The following ZNF521 variants were observed in gnomAD, a reference collection of about 807,000 sequenced individuals.
The protein encoded by ZNF521 is zinc finger protein 521.
A neutral mutation model predicts 105.5 loss-of-function variants in ZNF521; 14 were observed. The ratio of observed to expected loss-of-function variants is 0.13; its 90% CI spans 0.09 to 0.21. The LOEUF (loss-of-function observed/expected upper bound fraction) is 0.21. Ranked by LOEUF, ZNF521 falls within the 10% of genes least tolerant of loss-of-function variation. The pLI, the probability that ZNF521 is intolerant of heterozygous loss-of-function variation, is 1.00. For synonymous variants in ZNF521, 635 were observed against 606.0 expected (o/e 1.05, Z -0.70); for missense variants, 1,233 against 1,629.7 (o/e 0.76, Z 4.19).
chr18:25,213,753 T>C (rs1193101751), intron 4 of ZNF521, among the ~76,000 whole-genome samples: 1 of 152,160 alleles, frequency 6.6e-6, no homozygotes, highest in Non-Finnish European at 1.5e-5. Context: ...CTGAGCCTAA[T>C]ATTTTCTTTG....
chr18:25,261,823 G>T (rs568644583), intron 3 of ZNF521, among the ~76,000 whole-genome samples: 1 of 152,026 alleles, frequency 6.6e-6, no homozygotes, highest in East Asian at 1.9e-4. Context: ...ATATATTTAA[G>T]CAATGCCCAG....
At chr18:25,177,968 C>CA (rs1368696271) in intron 5 of ZNF521, among the ~76,000 whole-genome samples, 5 of 152,128 alleles carry the variant, frequency 3.3e-5, no homozygotes, top group African/African-American at 1.2e-4. Context: ...GCGACATATA[C>CA]AAAATGTAAA....
chr18:25,292,008 A>AT (rs1371692866), intron 3 of ZNF521, among the ~76,000 whole-genome samples: 1 of 152,152 alleles, frequency 6.6e-6, no homozygotes, highest in East Asian at 1.9e-4. Flanking sequence ...CTGGCTCATA[A>AT]TAGGCGCTCA....
intron 5 of ZNF521, among the ~76,000 whole-genome samples, chr18:25,109,245 TG>T (rs1330589367): frequency 6.6e-6 from 1 of 152,178 alleles, no homozygotes; most frequent in Non-Finnish European, 1.5e-5. Context: ...CTTAGGATAA[TG>T]GTCTCCAGCT....
chr18:25,179,438 A>G (rs1375863705), intron 5 of ZNF521, among the ~76,000 whole-genome samples: 1 of 151,672 alleles, frequency 6.6e-6, no homozygotes, highest in Non-Finnish European at 1.5e-5. Context: ...GCATTTTACA[A>G]ACTAGTTGTT....
At chr18:25,240,120 C>T (rs185571982) in intron 3 of ZNF521, among the ~76,000 whole-genome samples, 3 of 152,076 alleles carry the variant, frequency 2.0e-5, no homozygotes, top group Middle Eastern at 3.4e-3. Context: ...TTCTGCACTC[C>T]GTTTTGAAAT....
At chr18:25,189,826 T>C (rs2144618789) in intron 5 of ZNF521, among the ~76,000 whole-genome samples, 1 of 152,358 alleles carries the variant, frequency 6.6e-6, no homozygotes. Context: ...TCATTTGAAA[T>C]GCTTTGGTGT....
chr18:25,272,237 G>A (rs963405164), intron 3 of ZNF521, among the ~76,000 whole-genome samples: 2 of 152,182 alleles, frequency 1.3e-5, no homozygotes, highest in Admixed American at 1.3e-4. Context: ...AGTTAGAATG[G>A]TGATCATTAA....
At chr18:25,221,465 T>C (rs1016439043) in intron 4 of ZNF521, among the ~76,000 whole-genome samples, 7 of 152,232 alleles carry the variant, frequency 4.6e-5, no homozygotes, top group South Asian at 2.1e-4. Context: ...TATGTAATTC[T>C]AAGTCATGGT....
At position 25,089,363 on chromosome 18, in the gene ZNF521, G is replaced by A. The variant is rs139036527; in HGVS notation, c.3906+102C>T. ...CCCAATACACACAAAGCATCATGGT[G>A]GCCCAGGGTGAGTGATACTGTGAAT... On this transcript the variant is annotated intron_variant, in intron 7 of 7. Transcript: ENST00000361524. 76 of 847,164 alleles carry A rather than the reference G, an allele frequency of 9.0e-5. No homozygotes were observed. In the African/African-American group the frequency reaches 1.1e-3, roughly 12 times the overall value. 52.5% of individuals were successfully genotyped at this position (847,164 alleles called of 1,614,324 possible).
intron 2 of ZNF521, among the ~76,000 whole-genome samples, chr18:25,323,252 C>G (rs1332726624): frequency 2.0e-5 from 3 of 151,902 alleles, no homozygotes; most frequent in African/African-American, 7.3e-5. Context: ...TAAAATTAAA[C>G]TAGAGATTTC....
chr18:25,084,211 A>G (rs1189806948), intron 7 of ZNF521, among the ~76,000 whole-genome samples: 1 of 140,026 alleles, frequency 7.1e-6, no homozygotes, highest in Non-Finnish European at 1.7e-5. Flanking sequence ...TTATTTAATA[A>G]TGTGAGACAG....
intron 7 of ZNF521, among the ~76,000 whole-genome samples, chr18:25,083,282 C>T (rs186092942): frequency 1.3e-5 from 2 of 152,292 alleles, no homozygotes; most frequent in Non-Finnish European, 2.9e-5. Flanking sequence ...AGAATTTTTA[C>T]CTGGAAACTG....
At chr18:25,273,356 T>G (rs1404257500) in intron 3 of ZNF521, 1 of 151,062 alleles carries the variant, frequency 6.6e-6, no homozygotes, top group Non-Finnish European at 1.5e-5. Context: ...ACTGGATAGC[T>G]TCCCTCACTC....
At chr18:25,291,616 C>T (rs1911026263) in intron 3 of ZNF521, among the ~76,000 whole-genome samples, 1 of 152,188 alleles carries the variant, frequency 6.6e-6, no homozygotes, top group Admixed American at 6.5e-5. Flanking sequence ...GGTCAGCTCT[C>T]TGGGTTTTGC....
At chr18:25,212,418 G>T (rs1163666854) in intron 4 of ZNF521, among the ~76,000 whole-genome samples, 1 of 143,500 alleles carries the variant, frequency 7.0e-6, no homozygotes, top group Non-Finnish European at 1.5e-5. Flanking sequence ...GCTGAGGCAG[G>T]AGAATCACTT....
Position 25,106,535 on chromosome 18 carries a change from T to C in ZNF521, c.3659-14454A>G, listed in dbSNP as rs117118672. ...TCACAATAGCAGCACATTACAAACA[T>C]TACCAAAAGGTCCCCTGGTGCGATT... On this transcript the variant is annotated intron_variant, in intron 5 of 7. Coordinates refer to ENST00000361524, the MANE Select transcript of ZNF521 (RefSeq NM_015461.3). Among the ~76,000 whole-genome samples the C allele has an allele frequency of 8.6e-4, 131 of 152,174 alleles. 2 individuals carry two copies. In the East Asian group the frequency reaches 0.02, roughly 23 times the overall value.
intron 3 of ZNF521, among the ~76,000 whole-genome samples, chr18:25,278,617 A>C (rs1423478721): frequency 6.6e-6 from 1 of 152,200 alleles, no homozygotes; most frequent in African/African-American, 2.4e-5. Flanking sequence ...GCAAGAATCC[A>C]AGGCCCTTGC....
At chr18:25,159,524 C>T (rs1185092815) in intron 5 of ZNF521, among the ~76,000 whole-genome samples, 2 of 151,974 alleles carry the variant, frequency 1.3e-5, no homozygotes, top group African/African-American at 2.4e-5. Context: ...AAAAAAAAAC[C>T]ATAGATATTT....
Sources: gnomAD v4.1 joint callset for allele counts (sites outside exome capture counted in the v4.1 genomes callset) on GRCh38, gnomAD v4.1.1 for gene constraint, MANE v1.5 for transcripts, NCBI Gene and HGNC (gene_info 2026-07-23, HGNC 2026-07-21) for gene names.